The following ANO2 variants were observed in gnomAD, a reference collection of about 807,000 sequenced individuals.
The protein encoded by ANO2 is anoctamin 2, also known as anoctamin-2.
Under a neutral mutation model 124.2 loss-of-function variants are expected in ANO2, and 101 were observed. That is an observed-to-expected ratio of 0.81 (90% CI 0.69 to 0.96). ANO2 has a LOEUF of 0.96. Among genes scored for constraint, ANO2 ranks in the 40% least tolerant of loss-of-function variants. ANO2 has a pLI of 0.00. For synonymous variants in ANO2, 486 were observed against 482.5 expected (o/e 1.01, Z -0.09); for missense variants, 1,293 against 1,274.5 (o/e 1.01, Z -0.22).
chr12:5,598,812 T>C (rs1228731566), intron 20 of ANO2, among the ~76,000 whole-genome samples: 1 of 152,210 alleles, frequency 6.6e-6, no homozygotes, highest in Non-Finnish European at 1.5e-5. Context: ...GGGACCCTTC[T>C]CATAATAAAG....
At chr12:5,923,932 G>C (rs1941957783) in intron 1 of ANO2, among the ~76,000 whole-genome samples, 1 of 152,178 alleles carries the variant, frequency 6.6e-6, no homozygotes. Flanking sequence ...TTGTTCTCTA[G>C]CTGTAAAATG....
chr12:5,737,229 A>G (rs1365944671), intron 13 of ANO2, among the ~76,000 whole-genome samples: 5 of 152,188 alleles, frequency 3.3e-5, no homozygotes, highest in African/African-American at 1.2e-4. Flanking sequence ...CCTTGCAGCA[A>G]CCTCACACGG....
intron 10 of ANO2, among the ~76,000 whole-genome samples, chr12:5,782,250 G>A (rs1009334655): frequency 3.0e-4 from 45 of 152,152 alleles, no homozygotes; most frequent in African/African-American, 1.1e-3. Context: ...TATTAATATA[G>A]CCACTTCAGT....
intron 16 of ANO2, among the ~76,000 whole-genome samples, chr12:5,622,123 A>G (rs1369483979): frequency 3.3e-5 from 5 of 152,176 alleles, no homozygotes; most frequent in Non-Finnish European, 5.9e-5. Context: ...TTGAAAACAT[A>G]TCTAGAAGGT....
At chr12:5,575,176 T>G (rs1175756482) in intron 23 of ANO2, among the ~76,000 whole-genome samples, 4 of 152,228 alleles carry the variant, frequency 2.6e-5, no homozygotes, top group Non-Finnish European at 5.9e-5. Flanking sequence ...GCACCCACAA[T>G]GCTCATGGTC....
chr12:5,807,797 T>C (rs965688747), intron 7 of ANO2, among the ~76,000 whole-genome samples: 1 of 152,224 alleles, frequency 6.6e-6, no homozygotes, highest in Non-Finnish European at 1.5e-5. Flanking sequence ...CAAGGCAGCG[T>C]TCGCTGTGAC....
Position 5,854,583 on chromosome 12 carries a change from CAA to C in ANO2, c.535-444_535-443del, listed in dbSNP as rs1170577917. On this transcript the variant is annotated intron_variant, in intron 3 of 24. Coordinates refer to ENST00000682330, the MANE Select transcript of ANO2 (RefSeq NM_001364791.2). ...TCACATGTTTTCATTGTTTATTGTT[CAA>C]GTTTGTATTTTTGTTCTACTGTCAT... Among the ~76,000 whole-genome samples, 4 of 152,216 alleles carry C rather than the reference CAA, an allele frequency of 2.6e-5. 1 individual carries two copies. In the South Asian group the frequency reaches 8.3e-4, roughly 32 times the overall value.
chr12:5,581,064 T>A (rs1015832), intron 20 of ANO2, among the ~76,000 whole-genome samples: 22,706 of 152,090 alleles, frequency 0.15, 2,320 homozygotes, highest in East Asian at 0.46. Flanking sequence ...TGCTGAGGAA[T>A]TCACTTTGGA....
chr12:5,695,805 C>A (rs1409879765), intron 14 of ANO2, among the ~76,000 whole-genome samples: 1 of 152,190 alleles, frequency 6.6e-6, no homozygotes, highest in Admixed American at 6.5e-5. Context: ...CTCACCATTG[C>A]ACTTCAGCCT....
At chr12:5,852,377 C>T (rs981874341) in intron 4 of ANO2, among the ~76,000 whole-genome samples, 4 of 152,142 alleles carry the variant, frequency 2.6e-5, no homozygotes, top group Admixed American at 6.5e-5. Context: ...CCCCCCTCCC[C>T]GACACCAAAA....
chr12:5,582,294 C>G (rs1942797404), intron 20 of ANO2, among the ~76,000 whole-genome samples: 1 of 152,178 alleles, frequency 6.6e-6, no homozygotes, highest in African/African-American at 2.4e-5. Flanking sequence ...TAATGCTGAG[C>G]TCAAAGGCTG....
At chr12:5,594,777 G>T in intron 20 of ANO2, among the ~76,000 whole-genome samples, 1 of 152,180 alleles carries the variant, frequency 6.6e-6, no homozygotes, top group East Asian at 1.9e-4. Flanking sequence ...GGTCCAGGCT[G>T]CAGTGACCCA....
intron 1 of ANO2, among the ~76,000 whole-genome samples, chr12:5,929,347 C>T (rs1942245622): frequency 1.2e-5 from 1 of 84,200 alleles, no homozygotes; most frequent in Non-Finnish European, 2.2e-5. Context: ...TTTCCTCACT[C>T]GTCTGCCTTC....
At chr12:5,831,590 C>T (rs1335476490) in intron 5 of ANO2, among the ~76,000 whole-genome samples, 1 of 152,088 alleles carries the variant, frequency 6.6e-6, no homozygotes, top group Non-Finnish European at 1.5e-5. Flanking sequence ...CGCCACCACG[C>T]AAGGGGACAT....
chr12:5,638,324 C>T (rs192731077), intron 15 of ANO2, among the ~76,000 whole-genome samples: 167 of 147,956 alleles, frequency 1.1e-3, no homozygotes, highest in African/African-American at 3.9e-3. Context: ...CAAGCTCCGC[C>T]TCCTGGGTTC....
intron 10 of ANO2, among the ~76,000 whole-genome samples, chr12:5,780,417 T>C (rs765755842): frequency 1.3e-5 from 2 of 152,108 alleles, no homozygotes; most frequent in Non-Finnish European, 2.9e-5. Flanking sequence ...ATAAAAACAG[T>C]ATCTCTTTAT....
intron 14 of ANO2, among the ~76,000 whole-genome samples, chr12:5,706,220 T>G (rs186189571): frequency 1.3e-5 from 2 of 152,306 alleles, no homozygotes; most frequent in African/African-American, 4.8e-5. Flanking sequence ...ATACAATCAC[T>G]TATGTTTCTG....
At chr12:5,757,936 T>A (rs1951628308) in intron 10 of ANO2, among the ~76,000 whole-genome samples, 1 of 152,086 alleles carries the variant, frequency 6.6e-6, no homozygotes, top group South Asian at 2.1e-4. Context: ...ACAAGAGCAG[T>A]TTGCCCTTAT....
chr12:5,920,966 T>C, intron 3 of ANO2, 74 bp downstream of exon 3: 1 of 1,464,402 alleles, frequency 6.8e-7, no homozygotes, highest in South Asian at 1.3e-5. Context: ...CTCTGTCAGG[T>C]GGCACTGCTC....
Sources: gnomAD v4.1 joint callset for allele counts (sites outside exome capture counted in the v4.1 genomes callset) on GRCh38, gnomAD v4.1.1 for gene constraint, MANE v1.5 for transcripts, NCBI Gene and HGNC (gene_info 2026-07-23, HGNC 2026-07-21) for gene names.